ROBO1: variants seen among roughly 807,000 people sequenced by gnomAD.
The protein encoded by ROBO1 is roundabout homolog 1.
A neutral mutation model predicts 195.9 loss-of-function variants in ROBO1; 149 were observed. The ratio of observed to expected loss-of-function variants is 0.76; its 90% confidence interval spans 0.67 to 0.87. The LOEUF is 0.87. Among genes scored for constraint, ROBO1 ranks in the 40% least tolerant of loss-of-function variants. ROBO1 has a pLI of 0.00. For missense variants in ROBO1, 1,933 were observed against 2,068.3 expected (o/e 0.93, Z 1.27); for synonymous variants, 816 against 733.2 (o/e 1.11, Z -1.82).
Position 78,698,145 on chromosome 3 carries a change from T to C in ROBO1, c.1046-9373A>G, listed in dbSNP as rs143611937. Among the ~76,000 whole-genome samples, 372 of 152,166 alleles carry C rather than the reference T, an allele frequency of 2.4e-3. 1 individual carries two copies. The highest frequency in any genetic ancestry group is 8.6e-3 in the African/African-American group (359 of 41,522). On this transcript the variant is annotated intron_variant, in intron 8 of 30. Coordinates refer to ENST00000464233, the MANE Select transcript of ROBO1 (RefSeq NM_002941.4). ...CACATTCCAGAGAATACAAATGAAA[T>C]AAGGTAGTGAGTTAAATAAAAACTT...
intron 4 of ROBO1, among the ~76,000 whole-genome samples, chr3:78,831,330 A>G (rs1390656870): frequency 2.6e-5 from 4 of 152,198 alleles, no homozygotes; most frequent in Non-Finnish European, 5.9e-5. Context: ...TGACCTGCCT[A>G]AAAAATGAAA....
At position 78,651,810 on chromosome 3, in the gene ROBO1, T is replaced by C. The variant is rs758328897; in HGVS notation, c.2734A>G (p.Met912Val). ...GIGAACWIIL[M>V]VFSIWLYRHR... ...CGATAAAGCCAGATGCTGAAGACCA[T>C]GAGGATGATCCAACAGGCTGCTCCA... Residue 912 changes from methionine to valine, a missense_variant, in exon 19 of 31, where the codon ATG becomes GTG. Coordinates refer to ENST00000464233, the MANE Select transcript of ROBO1 (RefSeq NM_002941.4). 3.1e-6 allele frequency: 5 copies of C among 1,613,796 alleles called. No homozygotes were observed. The highest frequency in any genetic ancestry group is 1.1e-5 in the South Asian group (1 of 91,078).
At chr3:79,203,300 T>G (rs995631515) in intron 2 of ROBO1, among the ~76,000 whole-genome samples, 3 of 152,172 alleles carry the variant, frequency 2.0e-5, no homozygotes, top group African/African-American at 7.2e-5. Context: ...GCGGTTTGTC[T>G]GGGAGCATAA....
chr3:78,803,266 A>T (rs2084423939), intron 4 of ROBO1, among the ~76,000 whole-genome samples: 1 of 152,138 alleles, frequency 6.6e-6, no homozygotes, highest in Admixed American at 6.5e-5. Flanking sequence ...AGACTATATG[A>T]CAAGGGTTCA....
chr3:79,515,970 G>A (rs1940926513), intron 2 of ROBO1, among the ~76,000 whole-genome samples: 1 of 151,990 alleles, frequency 6.6e-6, no homozygotes, highest in Admixed American at 6.6e-5. Flanking sequence ...TGCATATATA[G>A]CCTGAAATAA....
intron 3 of ROBO1, among the ~76,000 whole-genome samples, chr3:78,971,808 C>T (rs2107917940): frequency 6.6e-6 from 1 of 152,184 alleles, no homozygotes; most frequent in East Asian, 1.9e-4. Flanking sequence ...CACTGTCACC[C>T]AAGTTGGAGT....
intron 2 of ROBO1, among the ~76,000 whole-genome samples, chr3:79,451,720 G>A (rs2039447240): frequency 1.3e-5 from 2 of 152,016 alleles, no homozygotes; most frequent in Non-Finnish European, 2.9e-5. Context: ...CAACCAGTAC[G>A]TGGTATTTCG....
chr3:78,786,247 T>C (rs1485769623), intron 4 of ROBO1, among the ~76,000 whole-genome samples: 1 of 152,186 alleles, frequency 6.6e-6, no homozygotes, highest in East Asian at 1.9e-4. Flanking sequence ...AAGTGACTTC[T>C]TATTACCATG....
At chr3:78,715,425 T>C (rs561321557) in intron 7 of ROBO1, among the ~76,000 whole-genome samples, 1 of 152,330 alleles carries the variant, frequency 6.6e-6, no homozygotes, top group East Asian at 1.9e-4. Flanking sequence ...ACCTCTCAGT[T>C]CAGACAGTTT....
intron 16 of ROBO1, chr3:78,660,735 T>C (rs1707342360): frequency 4.2e-6 from 1 of 236,544 alleles, no homozygotes; most frequent in South Asian, 1.5e-4. Context: ...GAAAACAATT[T>C]CATTTTTAAA....
chr3:79,079,759 G>A (rs1239562496), intron 3 of ROBO1, among the ~76,000 whole-genome samples: 1 of 151,446 alleles, frequency 6.6e-6, no homozygotes, highest in Non-Finnish European at 1.5e-5. Flanking sequence ...ATAAGACAGG[G>A]TGAGAAAAAA....
At chr3:78,669,090 A>G (rs1269075149) in intron 11 of ROBO1, among the ~76,000 whole-genome samples, 2 of 152,202 alleles carry the variant, frequency 1.3e-5, no homozygotes, top group Non-Finnish European at 2.9e-5. Context: ...AACTTAAGGC[A>G]GTTTAAGAAG....
chr3:78,801,563 G>GA (rs1315738297), intron 4 of ROBO1, among the ~76,000 whole-genome samples: 1 of 151,836 alleles, frequency 6.6e-6, no homozygotes, highest in Non-Finnish European at 1.5e-5. Flanking sequence ...TTTTTAAATA[G>GA]AAAAAATATA....
At position 79,699,863 on chromosome 3, in the gene ROBO1, G is replaced by A. The variant is rs539271524; in HGVS notation, c.-51+67889C>T. On this transcript the variant is annotated intron_variant, in intron 1 of 30. Coordinates refer to ENST00000464233, the MANE Select transcript of ROBO1 (RefSeq NM_002941.4). ...ATTTTAGTTGTTATTTTAGAGTCAC[G>A]GAGTGTATGTGTAGGTTTGTCATAT... 6.6e-5 allele frequency among the ~76,000 whole-genome samples: 10 copies of A among 151,650 alleles called. No individual in the cohort carries two copies. In the East Asian group the frequency reaches 1.2e-3, roughly 18 times the overall value.
chr3:79,352,522 T>C (rs554312305), intron 2 of ROBO1, among the ~76,000 whole-genome samples: 253 of 152,318 alleles, frequency 1.7e-3, no homozygotes, highest in African/African-American at 5.4e-3. Context: ...TCAGTTATTC[T>C]AATGCATATG....
intron 2 of ROBO1, among the ~76,000 whole-genome samples, chr3:79,534,714 C>T (rs900224780): frequency 2.6e-5 from 4 of 152,098 alleles, no homozygotes; most frequent in Admixed American, 6.6e-5. Context: ...CTGTTGTTCC[C>T]TCATCAAACT....
At chr3:79,670,528 C>G (rs895042199) in intron 1 of ROBO1, among the ~76,000 whole-genome samples, 6 of 151,798 alleles carry the variant, frequency 4.0e-5, no homozygotes, top group Non-Finnish European at 5.9e-5. Context: ...ACACACTAAT[C>G]AGGTTTGACT....
chr3:78,931,239 T>TC (rs1409010824), intron 4 of ROBO1, among the ~76,000 whole-genome samples: 1 of 115,046 alleles, frequency 8.7e-6, no homozygotes. Flanking sequence ...TTTCTTTCTT[T>TC]TTTTTTTTTT....
chr3:78,913,441 A>T (rs1004946787), intron 4 of ROBO1, among the ~76,000 whole-genome samples: 7 of 152,188 alleles, frequency 4.6e-5, no homozygotes, highest in Non-Finnish European at 1.0e-4. Flanking sequence ...ATATAAATTA[A>T]TCCAAAAGAT....
Sources: allele counts gnomAD v4.1 joint callset (sites outside exome capture counted in the v4.1 genomes callset), GRCh38; gene constraint gnomAD v4.1.1; transcripts MANE v1.5; gene names NCBI Gene and HGNC (gene_info 2026-07-23, HGNC 2026-07-21).